The following TRIP4 variants were observed in gnomAD, a reference collection of about 807,000 sequenced individuals.
TRIP4 encodes thyroid hormone receptor interactor 4.
A neutral mutation model predicts 81.8 loss-of-function variants in TRIP4; 54 were observed. The ratio of observed to expected loss-of-function variants is 0.66; its 90% CI spans 0.53 to 0.83. TRIP4 has a LOEUF of 0.83. Ranked by LOEUF, TRIP4 falls within the 40% of genes least tolerant of loss-of-function variation. The pLI is 0.00. For missense variants in TRIP4, 662 were observed against 683.6 expected, an observed-to-expected ratio of 0.97 and a Z score of 0.35; for synonymous variants, 270 against 242.8, an observed-to-expected ratio of 1.11 and a Z score of -1.04.
At chr15:64,413,344 C>T (rs187092640) in intron 7 of TRIP4, among the ~76,000 whole-genome samples, 38 of 151,994 alleles carry the variant, frequency 2.5e-4, no homozygotes, top group African/African-American at 9.2e-4. Context: ...CCATGCCCAG[C>T]TAATTTATTT....
intron 12 of TRIP4, among the ~76,000 whole-genome samples, chr15:64,446,496 C>G (rs1318604807): frequency 6.7e-6 from 1 of 149,290 alleles, no homozygotes; most frequent in Non-Finnish European, 1.5e-5. Flanking sequence ...CCTCCACCTC[C>G]TGGGTTCAAG....
At chr15:64,446,775 C>T (rs1011497789) in intron 12 of TRIP4, among the ~76,000 whole-genome samples, 1 of 151,790 alleles carries the variant, frequency 6.6e-6, no homozygotes, top group African/African-American at 2.4e-5. Flanking sequence ...TTCCTCTGTC[C>T]TAGAGCAGCC....
intron 12 of TRIP4, among the ~76,000 whole-genome samples, chr15:64,454,029 A>G (rs1596368981): frequency 6.6e-6 from 1 of 152,134 alleles, no homozygotes; most frequent in African/African-American, 2.4e-5. Flanking sequence ...TGCTGCAACA[A>G]ATGAAAATGA....
intron 10 of TRIP4, 68 bp downstream of exon 10, chr15:64,424,223 C>T: frequency 6.3e-7 from 1 of 1,591,424 alleles, no homozygotes; most frequent in Non-Finnish European, 8.6e-7. Context: ...CATCTTCTTT[C>T]ACTTCCTTCT....
intron 6 of TRIP4, among the ~76,000 whole-genome samples, chr15:64,408,918 T>G (rs1306756875): frequency 6.6e-6 from 1 of 152,012 alleles, no homozygotes; most frequent in African/African-American, 2.4e-5. Context: ...TAGAATGTCT[T>G]AAGAGTAAAT....
chr15:64,394,055 T>A lies in TRIP4; in HGVS notation c.211T>A (p.Trp71Arg). 1 of 1,610,944 alleles carries A rather than the reference T, an allele frequency of 6.2e-7. No homozygotes were observed. The highest frequency in any genetic ancestry group is 8.5e-7 in the Non-Finnish European group (1 of 1,178,596). Reference sequence around the variant, plus strand: ...ATTCATAGAAGAACTTATAACCAAATGGCAAAAGAATGATCAGGAGTTGAT... The same window carrying A: ...ATTCATAGAAGAACTTATAACCAAAAGGCAAAAGAATGATCAGGAGTTGAT... Reference protein sequence around the residue: ...GQFIEELITKWQKNDQELISD... With the variant: ...GQFIEELITKRQKNDQELISD... Residue 71 changes from tryptophan to arginine, a missense_variant, in exon 2 of 13, where the codon TGG becomes AGG. Transcript: ENST00000261884.
chr15:64,433,951 T>C (rs566326872), intron 11 of TRIP4, among the ~76,000 whole-genome samples: 8 of 152,182 alleles, frequency 5.3e-5, no homozygotes, highest in Admixed American at 4.6e-4. Flanking sequence ...TTATCGTTAG[T>C]GTATTTTATG....
At chr15:64,391,173 T>G (rs1566970482) in intron 1 of TRIP4, among the ~76,000 whole-genome samples, 1 of 152,168 alleles carries the variant, frequency 6.6e-6, no homozygotes, top group South Asian at 2.1e-4. Context: ...TTTTTCTTTT[T>G]TGAGACGGAG....
intron 1 of TRIP4, 48 bp downstream of exon 1, chr15:64,388,012 C>T (rs1392261551): frequency 1.3e-6 from 2 of 1,498,298 alleles, no homozygotes; most frequent in East Asian, 2.5e-5. Flanking sequence ...GGGATGTGCA[C>T]TGCCTGAGCG....
At chr15:64,445,598 G>C (rs1424896031) in intron 12 of TRIP4, among the ~76,000 whole-genome samples, 7 of 150,618 alleles carry the variant, frequency 4.6e-5, no homozygotes, top group Non-Finnish European at 7.4e-5. Context: ...GAACCTGGGA[G>C]GCGGAGGTTA....
chr15:64,414,274 G>C, intron 8 of TRIP4, 63 bp downstream of exon 8: 1 of 1,600,310 alleles, frequency 6.2e-7, no homozygotes, highest in Non-Finnish European at 8.5e-7. Flanking sequence ...CTTCTTTTAA[G>C]TATGTCTATT....
rs1221675310 is a variant in TRIP4, at chr15:64,455,053, AAAGCTG to A, written c.1736_1741del (p.Lys579_Val581delinsIle). 1 of 1,613,978 alleles carries A rather than the reference AAAGCTG, an allele frequency of 6.2e-7. No homozygotes were observed. Among genetic ancestry groups the A allele is most frequent in the Non-Finnish European group, 8.5e-7 (1 of 1,179,980 alleles). ...AAAGAAGGGGTTAATGAAGCAGAAT[AAAGCTG>A]TCTGACCCAGGAGAAAAGGAACTAT... is the stretch of plus-strand genomic sequence containing the variant. On this transcript the variant is annotated inframe_deletion, in exon 13 of 13. Coordinates refer to ENST00000261884, the MANE Select transcript of TRIP4 (RefSeq NM_016213.5).
intron 2 of TRIP4, 58 bp from the exon 3 acceptor site, chr15:64,395,340 C>T: frequency 6.8e-7 from 1 of 1,469,624 alleles, no homozygotes; most frequent in Admixed American, 2.2e-5. Flanking sequence ...TATTAGTTCA[C>T]CAGGAATCCT....
At chr15:64,389,913 G>A (rs966824086) in intron 1 of TRIP4, among the ~76,000 whole-genome samples, 68 of 149,984 alleles carry the variant, frequency 4.5e-4, no homozygotes, top group Non-Finnish European at 3.9e-4. Flanking sequence ...TGTTGACCAG[G>A]GTGGTCTCGA....
chr15:64,451,224 T>G (rs1396987049), intron 12 of TRIP4, among the ~76,000 whole-genome samples: 1 of 151,296 alleles, frequency 6.6e-6, no homozygotes, highest in African/African-American at 2.4e-5. Context: ...GCAATTCTCC[T>G]GCCTCAGCCT....
intron 8 of TRIP4, among the ~76,000 whole-genome samples, chr15:64,415,382 AG>A (rs1891872355): frequency 6.6e-6 from 1 of 152,224 alleles, no homozygotes; most frequent in Non-Finnish European, 1.5e-5. Flanking sequence ...GCTGTAACAA[AG>A]TACCACAAAT....
At chr15:64,408,877 G>A (rs988826615) in intron 6 of TRIP4, among the ~76,000 whole-genome samples, 1 of 152,078 alleles carries the variant, frequency 6.6e-6, no homozygotes, top group Non-Finnish European at 1.5e-5. Context: ...GCAAAGTGGG[G>A]TATAGGTAAT....
chr15:64,404,512 G>C (rs763015364), intron 5 of TRIP4, among the ~76,000 whole-genome samples: 14 of 151,866 alleles, frequency 9.2e-5, no homozygotes, highest in Admixed American at 3.9e-4. Context: ...GTAGAGACAG[G>C]GTTTTGCCAT....
chr15:64,399,127 T>A (rs544943555), intron 4 of TRIP4, among the ~76,000 whole-genome samples: 6 of 151,774 alleles, frequency 4.0e-5, no homozygotes, highest in African/African-American at 1.5e-4. Flanking sequence ...TTTTTTGTAT[T>A]TTTAGTAGAG....
Sources: allele counts gnomAD v4.1 joint callset (sites outside exome capture counted in the v4.1 genomes callset), GRCh38; gene constraint gnomAD v4.1.1; transcripts MANE v1.5; gene names NCBI Gene and HGNC (gene_info 2026-07-23, HGNC 2026-07-21).